Variants in SRGAP2 observed in about 807,000 individuals in gnomAD.
SRGAP2 encodes the protein SLIT-ROBO Rho GTPase-activating protein 2.
In SRGAP2, 15 loss-of-function variants were observed where a neutral mutation model predicts 57.2. That is an observed-to-expected ratio of 0.26 (90% confidence interval 0.18 to 0.40). SRGAP2 has a LOEUF of 0.40. Ranked by LOEUF, SRGAP2 falls within the 10% of genes least tolerant of loss-of-function variation. The pLI is 1.00. For synonymous variants in SRGAP2, 249 were observed against 248.0 expected (o/e 1.00, Z -0.04); for missense variants, 520 against 669.6 (o/e 0.78, Z 2.47).
chr1:206,372,973 CTTTCTTTCTTT>C lies in SRGAP2; in HGVS notation c.424-11040_424-11030del, dbSNP rs1558359149. Among the ~76,000 whole-genome samples the C allele has an allele frequency of 9.8e-3, 304 of 31,164 alleles. 27 individuals are homozygous for C. Among genetic ancestry groups the C allele is most frequent in the African/African-American group, 0.019 (143 of 7,690 alleles). The allele number at this position is 31,164 out of a possible 152,430, so 20.4% of individuals were successfully genotyped here. A position where few individuals can be genotyped will look rare whatever the true frequency, so the allele number is the denominator to read the frequency against. ...TTTCTTTCTTTTCTTTCCTTTCTTT[CTTTCTTTCTTT>C]CTTTCTTTCTTTCTTTCTTTCTTTC... is the stretch of plus-strand genomic sequence containing the variant. On this transcript the variant is annotated intron_variant, in intron 4 of 22. Coordinates refer to ENST00000573034, the MANE Select transcript of SRGAP2 (RefSeq NM_015326.5).
chr1:206,414,546 A>G (rs1659512047), intron 10 of SRGAP2, among the ~76,000 whole-genome samples: 1 of 152,134 alleles, frequency 6.6e-6, no homozygotes, highest in Non-Finnish European at 1.5e-5. Context: ...TGGCCATTTG[A>G]CTTCTGAGTT....
Position 206,440,133 on chromosome 1 carries a change from G to A in SRGAP2, c.1874+52G>A. ...GGATCAGGCTTTGGCTTGGGCACTGGAAGTTCCTCTATGGACCTATGCCTA... is the reference window on the plus strand; with the variant it reads ...GGATCAGGCTTTGGCTTGGGCACTGAAAGTTCCTCTATGGACCTATGCCTA... On this transcript the variant is annotated intron_variant, in intron 17 of 22. Transcript: ENST00000573034. 3.9e-6 allele frequency: 3 copies of A among 767,644 alleles called. 1 individual carries two copies. In the South Asian group the frequency reaches 4.1e-5, roughly 11 times the overall value. 47.6% of individuals were successfully genotyped at this position (767,644 alleles called of 1,614,324 possible). A position where few individuals can be genotyped will look rare whatever the true frequency, so the allele number is the denominator to read the frequency against.
At chr1:206,274,601 C>T (rs1178572178) in intron 2 of SRGAP2, among the ~76,000 whole-genome samples, 1 of 152,018 alleles carries the variant, frequency 6.6e-6, no homozygotes, top group Non-Finnish European at 1.5e-5. Flanking sequence ...TGCCGCTGCA[C>T]TCCAGCCTGG....
chr1:206,353,194 G>C (rs1553338549), intron 4 of SRGAP2, among the ~76,000 whole-genome samples: 3 of 151,964 alleles, frequency 2.0e-5, no homozygotes, highest in Non-Finnish European at 4.4e-5. Context: ...AAAATTTTTG[G>C]CAAATATTTT....
chr1:206,376,266 G>A (rs1655194196), intron 4 of SRGAP2, among the ~76,000 whole-genome samples: 1 of 151,384 alleles, frequency 6.6e-6, no homozygotes, highest in South Asian at 2.1e-4. Flanking sequence ...TCTTTCCTCA[G>A]GAAAGCTGAA....
intron 1 of SRGAP2, 49 bp downstream of exon 1, chr1:206,203,699 G>A: frequency 8.5e-7 from 1 of 1,183,066 alleles, no homozygotes; most frequent in East Asian, 2.6e-5. Flanking sequence ...CGCCGGGCTG[G>A]AGCCCTGACT....
At chr1:206,423,201 C>T (rs1255755282) in intron 13 of SRGAP2, among the ~76,000 whole-genome samples, 1 of 152,164 alleles carries the variant, frequency 6.6e-6, no homozygotes, top group Non-Finnish European at 1.5e-5. Flanking sequence ...CTCCCTGTAA[C>T]CTCAGCATTA....
In SRGAP2 at chr1:206,454,784, G is replaced by C. The variant is rs576447670; in HGVS notation, c.2361-94G>C. ...CTGCCTCAGAGCTGTGTGGGGTCGC[G>C]TGTATGTCGGGGGGCCATCTTGCCG... is the stretch of plus-strand genomic sequence containing the variant. On this transcript the variant is annotated intron_variant, in intron 20 of 22. Coordinates refer to ENST00000573034, the MANE Select transcript of SRGAP2 (RefSeq NM_015326.5). The surrounding 1 kb of genome is among the most constrained non-coding windows in gnomAD (Gnocchi z 4.3). 24 of 649,314 alleles carry C rather than the reference G, an allele frequency of 3.7e-5. No homozygotes were observed. The East Asian group carries it at 5.8e-4, about 16-fold the overall frequency. 40.2% of individuals were successfully genotyped at this position (649,314 alleles called of 1,614,324 possible). A position where few individuals can be genotyped will look rare whatever the true frequency, so the allele number is the denominator to read the frequency against.
chr1:206,438,589 A>G (rs956011263), intron 16 of SRGAP2, among the ~76,000 whole-genome samples: 2 of 152,234 alleles, frequency 1.3e-5, no homozygotes, highest in Admixed American at 1.3e-4. Context: ...AGAGAAAGGT[A>G]TATTCTCTGC....
chr1:206,291,849 A>G (rs1671342916), intron 2 of SRGAP2, among the ~76,000 whole-genome samples: 2 of 148,864 alleles, frequency 1.3e-5, no homozygotes, highest in African/African-American at 5.1e-5. Context: ...TGAAAAATAA[A>G]TGGTTATCTA....
intron 2 of SRGAP2, among the ~76,000 whole-genome samples, chr1:206,232,512 G>C: frequency 7.7e-6 from 1 of 130,568 alleles, no homozygotes; most frequent in African/African-American, 2.9e-5. Flanking sequence ...ATTATTTTTT[G>C]AGACAGAGTC....
intron 21 of SRGAP2, among the ~76,000 whole-genome samples, chr1:206,457,597 G>T (rs572994362): frequency 3.3e-5 from 5 of 152,306 alleles, no homozygotes; most frequent in African/African-American, 1.2e-4. Flanking sequence ...TAAAACTGCC[G>T]AGTGGACAGA....
At chr1:206,420,365 G>A (rs1184799784) in intron 12 of SRGAP2, among the ~76,000 whole-genome samples, 2 of 152,212 alleles carry the variant, frequency 1.3e-5, no homozygotes, top group South Asian at 2.1e-4. Flanking sequence ...TGGTGTTAGA[G>A]TCTTACTGTA....
At chr1:206,424,964 G>A (rs953750181) in intron 13 of SRGAP2, among the ~76,000 whole-genome samples, 5 of 152,186 alleles carry the variant, frequency 3.3e-5, no homozygotes, top group Non-Finnish European at 7.3e-5. Flanking sequence ...ATCCATTGGG[G>A]GCTGCATGTG....
chr1:206,374,411 C>T (rs1207721654), intron 4 of SRGAP2, among the ~76,000 whole-genome samples: 3 of 135,660 alleles, frequency 2.2e-5, no homozygotes, highest in Admixed American at 7.3e-5. Flanking sequence ...GAAATTAGAG[C>T]TGGAGATTGG....
At position 206,375,431 on chromosome 1, in the gene SRGAP2, TA is replaced by T. The variant is rs1655108908; in HGVS notation, c.424-8582del. ...ATGAGAGATCAGGGCCTGAAGACATTACGCCCCCACTCAAATCATTATCCAA... is the reference window on the plus strand; with the variant it reads ...ATGAGAGATCAGGGCCTGAAGACATTCGCCCCCACTCAAATCATTATCCAA... On this transcript the variant is annotated intron_variant, in intron 4 of 22. Coordinates refer to ENST00000573034, the MANE Select transcript of SRGAP2 (RefSeq NM_015326.5). Among the ~76,000 whole-genome samples the T allele has an allele frequency of 1.3e-5, 2 of 152,080 alleles. 1 individual carries two copies. The highest frequency in any genetic ancestry group is 4.1e-4 in the South Asian group (2 of 4,826).
rs1166949389 is a variant in SRGAP2 at position 206,437,878 on chromosome 1, C to A, written c.1634-86C>A. The A allele has an allele frequency of 9.3e-6, 7 of 751,774 alleles. No individual in the cohort carries two copies. The African/African-American group carries it at 1.0e-4, about 11-fold the overall frequency. The allele number at this position is 751,774 out of a possible 1,614,324, so 46.6% of individuals were successfully genotyped here. On this transcript the variant is annotated intron_variant, in intron 15 of 22. Coordinates refer to ENST00000573034, the MANE Select transcript of SRGAP2 (RefSeq NM_015326.5). Reference sequence around the variant, plus strand: ...GCTGATGGATTGGGACCAGGACATGCATGGTTCACCCCTTCCCCACGTTCG... The same window carrying A: ...GCTGATGGATTGGGACCAGGACATGAATGGTTCACCCCTTCCCCACGTTCG...
At chr1:206,446,423 G>T (rs1473754462) in intron 18 of SRGAP2, 124 bp downstream of exon 18, 4 of 684,764 alleles carry the variant, frequency 5.8e-6, no homozygotes, top group African/African-American at 3.5e-5. Context: ...CTCCCAGGCT[G>T]CTAGGGTCTG....
intron 2 of SRGAP2, 63 bp from the exon 3 acceptor site, chr1:206,303,218 T>A: frequency 8.7e-7 from 1 of 1,144,248 alleles, no homozygotes; most frequent in East Asian, 2.7e-5. Context: ...GGGTGAATAT[T>A]GGCATGCATG....
Sources: allele counts gnomAD v4.1 joint callset (sites outside exome capture counted in the v4.1 genomes callset), GRCh38; gene constraint gnomAD v4.1.1; non-coding constraint Gnocchi (gnomAD v3.1); transcripts MANE v1.5; gene names NCBI Gene and HGNC (gene_info 2026-07-23, HGNC 2026-07-21).